CRAT: variants seen among roughly 807,000 people sequenced by gnomAD.
CRAT encodes the protein carnitine O-acetyltransferase.
Under a neutral mutation model 73.7 loss-of-function variants are expected in CRAT, and 66 were observed. The observed-to-expected ratio is 0.90, with a 90% CI of 0.73 to 1.10. CRAT has a LOEUF of 1.10. CRAT is among the 50% of genes least tolerant of loss of function. The probability of loss-of-function intolerance (pLI) is 0.00; values close to 1 mark genes in which losing one functional copy is unlikely to be tolerated. For missense variants in CRAT, 745 were observed against 846.9 expected (o/e 0.88, Z 1.49); for synonymous variants, 321 against 343.2 (o/e 0.94, Z 0.71).
chr9:129,099,022 G>C (rs1469091362), intron 8 of CRAT, among the ~76,000 whole-genome samples: 1 of 151,122 alleles, frequency 6.6e-6, no homozygotes, highest in South Asian at 2.1e-4. Context: ...TGTCACCCAG[G>C]CTGGAGCAAT....
At chr9:129,100,935 G>A (rs141227254) in intron 6 of CRAT, among the ~76,000 whole-genome samples, 70 of 152,270 alleles carry the variant, frequency 4.6e-4, no homozygotes, top group African/African-American at 1.7e-3. Context: ...CCAACACCTG[G>A]CCCACTTTAG....
At chr9:129,099,780 A>T (rs1177118349) in intron 8 of CRAT, 86 bp downstream of exon 8, 22 of 1,056,756 alleles carry the variant, frequency 2.1e-5, no homozygotes, top group Non-Finnish European at 1.4e-6. Flanking sequence ...AAGGAGAGTG[A>T]TATTTCTCTA....
chr9:129,101,074 G>A (rs1457089792), intron 6 of CRAT, among the ~76,000 whole-genome samples: 1 of 151,758 alleles, frequency 6.6e-6, no homozygotes, highest in African/African-American at 2.4e-5. Flanking sequence ...TGGTACTTGG[G>A]GGCACAGGGG....
chr9:129,109,503 G>A (rs760841938), intron 1 of CRAT, among the ~76,000 whole-genome samples: 1 of 152,220 alleles, frequency 6.6e-6, no homozygotes, highest in Non-Finnish European at 1.5e-5. Flanking sequence ...ACTGGGATTG[G>A]GCTGGATTTG....
intron 11 of CRAT, chr9:129,097,789 TG>T (rs2131441830): frequency 1.6e-6 from 1 of 607,420 alleles, no homozygotes; most frequent in South Asian, 2.3e-5. Context: ...ATAGGGCAGT[TG>T]CTTACTGCCA....
chr9:129,104,945 C>G lies in CRAT; in HGVS notation c.292-639G>C, dbSNP rs1177970721. 3.6e-4 allele frequency among the ~76,000 whole-genome samples: 43 copies of G among 118,620 alleles called. 2 individuals carry two copies. Among genetic ancestry groups the G allele is most frequent in the Admixed American group, 3.4e-3 (36 of 10,538 alleles). The allele number at this position is 118,620 out of a possible 152,430, so 77.8% of individuals were successfully genotyped here. A position where few individuals can be genotyped will look rare whatever the true frequency, so the allele number is the denominator to read the frequency against. On this transcript the variant is annotated intron_variant, in intron 2 of 13. Transcript: ENST00000318080. Reference sequence around the variant, plus strand: ...AGACGGAGTCTCGCTCTGTCCCCCACGCTGGAGTGCAGTGGCATGATCTCG... The same window carrying G: ...AGACGGAGTCTCGCTCTGTCCCCCAGGCTGGAGTGCAGTGGCATGATCTCG...
At position 129,095,980 on chromosome 9, in the gene CRAT, C is replaced by T. The variant is rs763608596; in HGVS notation, c.1665+18G>A. 27 of 1,613,652 alleles carry T rather than the reference C, an allele frequency of 1.7e-5. No individual in the cohort carries two copies. The Admixed American group carries it at 4.5e-4, about 27-fold the overall frequency. ...TTCTCTGCCTCCAGCCCCCGGGGCA[C>T]CTGGGGCAGTGGCCCACCTGGCTGG... On this transcript the variant is annotated intron_variant, in intron 13 of 13. Coordinates refer to ENST00000318080, the MANE Select transcript of CRAT (RefSeq NM_000755.5).
chr9:129,100,408 C>T, intron 7 of CRAT, 103 bp downstream of exon 7: 1 of 1,325,318 alleles, frequency 7.5e-7, no homozygotes, highest in Non-Finnish European at 1.0e-6. Context: ...GCTTTACAAG[C>T]TAGGAGGCTG....
rs575299367 is a variant in CRAT, at chr9:129,095,171, T to G, written c.*226A>C. ...CGGGCCTAACGTCCTGCTCAGCCTC[T>G]GCACTCAGCCCCAGGTCGGGCCCTG... is the stretch of plus-strand genomic sequence containing the variant. On this transcript the variant is annotated 3_prime_UTR_variant, in exon 14 of 14. Transcript: ENST00000318080. 9 of 593,926 alleles carry G rather than the reference T, an allele frequency of 1.5e-5. No homozygotes were observed. In the East Asian group the frequency reaches 2.3e-4, roughly 15 times the overall value. The allele number at this position is 593,926 out of a possible 1,614,324, so 36.8% of individuals were successfully genotyped here. A position where few individuals can be genotyped will look rare whatever the true frequency, so the allele number is the denominator to read the frequency against.
chr9:129,108,977 G>C, intron 1 of CRAT: 1 of 1,230,624 alleles, frequency 8.1e-7, no homozygotes, highest in African/African-American at 1.6e-5. Context: ...TGGAATCGGG[G>C]GTTGTGGCAG....
At position 129,110,527 on chromosome 9, in the gene CRAT, G is replaced by A. The variant is rs1344380420; in HGVS notation, c.-18C>T. ...GCTAACATCTTCGCTGCCCGTCCGC[G>A]GACACGCAGTCCGCTCCGCCCCACA... On this transcript the variant is annotated 5_prime_UTR_variant, in exon 1 of 14. Transcript: ENST00000318080. The surrounding 1 kb of genome is among the most constrained non-coding windows in gnomAD (Gnocchi z 5.3). The A allele has an allele frequency of 1.3e-6, 2 of 1,577,678 alleles. No homozygotes were observed. Among genetic ancestry groups the A allele is most frequent in the African/African-American group, 2.8e-5 (2 of 71,634 alleles).
chr9:129,102,334 T>C (rs1393271475), intron 5 of CRAT, 66 bp downstream of exon 5: 1 of 1,596,830 alleles, frequency 6.3e-7, no homozygotes, highest in Admixed American at 1.7e-5. Flanking sequence ...GGAAGCCGAC[T>C]GCGGCCGTCC....
Position 129,110,649 on chromosome 9 carries a change from G to T in CRAT, c.-140C>A. On this transcript the variant is annotated 5_prime_UTR_variant, in exon 1 of 14. Transcript: ENST00000318080. This position sits in a 1 kb window ranked among gnomAD's most constrained non-coding sequence, Gnocchi z 5.3. ...GGTCGCTGAGTTACAGCCGCCAGCC[G>T]GTAGAGGCAGCCCCGCGCCCACCCT... is the stretch of plus-strand genomic sequence containing the variant. 1 of 1,048,838 alleles carries T rather than the reference G, an allele frequency of 9.5e-7. No homozygotes were observed. The highest frequency in any genetic ancestry group is 1.3e-6 in the Non-Finnish European group (1 of 774,778). The allele number at this position is 1,048,838 out of a possible 1,614,324, so 65.0% of individuals were successfully genotyped here. A position where few individuals can be genotyped will look rare whatever the true frequency, so the allele number is the denominator to read the frequency against.
chr9:129,095,648 A>G, intron 13 of CRAT, 36 bp from the exon 14 acceptor site: 1 of 1,587,900 alleles, frequency 6.3e-7, no homozygotes, highest in African/African-American at 1.3e-5. Flanking sequence ...CAGCTCCCCT[A>G]CCTTGACGCC....
intron 8 of CRAT, among the ~76,000 whole-genome samples, chr9:129,099,142 CTT>C (rs58079634): frequency 1.8e-4 from 24 of 130,260 alleles, no homozygotes; most frequent in East Asian, 4.6e-4. Flanking sequence ...GCGTGGCTAA[CTT>C]TTTTTTTTTT....
At chr9:129,109,210 G>A in intron 1 of CRAT, 1 of 1,304,218 alleles carries the variant, frequency 7.7e-7, no homozygotes, top group Non-Finnish European at 1.0e-6. Flanking sequence ...GTTTTGATGA[G>A]GGAAAACTTG....
rs1353527918 is a variant in CRAT, at chr9:129,110,510, C to A, written c.-1G>T. The A allele has an allele frequency of 2.5e-6, 4 of 1,577,924 alleles. No individual in the cohort carries two copies. The highest frequency in any genetic ancestry group is 3.4e-6 in the Non-Finnish European group (4 of 1,169,232). On this transcript the variant is annotated 5_prime_UTR_variant, in exon 1 of 14. Transcript: ENST00000318080. This position sits in a 1 kb window ranked among gnomAD's most constrained non-coding sequence, Gnocchi z 5.3. ...CGGTCCTGGCAGCGAAGGCTAACAT[C>A]TTCGCTGCCCGTCCGCGGACACGCA...
In CRAT at chr9:129,100,555, T is replaced by C; in HGVS notation, c.940A>G (p.Ser314Gly). 1 of 1,613,858 alleles carries C rather than the reference T, an allele frequency of 6.2e-7. No homozygotes were observed. Among genetic ancestry groups the C allele is most frequent in the Non-Finnish European group, 8.5e-7 (1 of 1,179,982 alleles). Residue 314 changes from serine to glycine, a missense_variant, in exon 7 of 14, where the codon AGC (serine) becomes GGC (glycine). Physicochemically the swap from Ser to Gly is moderately conservative, Grantham distance 56. Transcript: ENST00000318080. Reference protein sequence around the residue: ...VAGQMLHGGGSRLNSGNRWFD... With the variant: ...VAGQMLHGGGGRLNSGNRWFD... ...CAGCGGTTGCCGCTGTTGAGCCTGC[T>C]GCCGCCCCCATGCAGCATCTGGCCT...
chr9:129,102,665 G>A (rs1189866081), intron 4 of CRAT, 100 bp from the exon 5 acceptor site: 9 of 1,375,136 alleles, frequency 6.5e-6, no homozygotes, highest in Non-Finnish European at 9.2e-6. Context: ...GGCTCACACA[G>A]TGTCCCTGCT....
Sources: gnomAD v4.1 joint callset for allele counts (sites outside exome capture counted in the v4.1 genomes callset) on GRCh38, gnomAD v4.1.1 for gene constraint, Gnocchi (gnomAD v3.1) non-coding constraint, MANE v1.5 for transcripts, NCBI Gene and HGNC (gene_info 2026-07-23, HGNC 2026-07-21) for gene names.